Variants in ZNF521 observed in about 807,000 individuals in gnomAD.
ZNF521 encodes the protein zinc finger protein 521, also known as LYST-interacting protein 3.
ZNF521 carries 14 observed loss-of-function variants against 105.5 expected under a neutral mutation model. That is an observed-to-expected ratio of 0.13 (90% confidence interval 0.09 to 0.21). ZNF521 has a LOEUF of 0.21. ZNF521 is among the 10% of genes least tolerant of loss of function. ZNF521 has a pLI of 1.00. For missense variants in ZNF521, 1,233 were observed against 1,629.7 expected (o/e 0.76, Z 4.19); for synonymous variants, 635 against 606.0 (o/e 1.05, Z -0.70).
intron 5 of ZNF521, among the ~76,000 whole-genome samples, chr18:25,110,442 C>CAAAAAAAA (rs372395726): frequency 6.7e-6 from 1 of 148,880 alleles, no homozygotes; most frequent in Non-Finnish European, 1.5e-5. Context: ...GGCAGGAGAC[C>CAAAAAAAA]AAAAAAGAAA....
At chr18:25,068,779 C>G (rs1440725624) in intron 7 of ZNF521, among the ~76,000 whole-genome samples, 2 of 152,112 alleles carry the variant, frequency 1.3e-5, no homozygotes, top group Non-Finnish European at 2.9e-5. Flanking sequence ...GAATGCAGAC[C>G]ATTATGAGTC....
At chr18:25,287,215 A>G (rs1270483781) in intron 3 of ZNF521, among the ~76,000 whole-genome samples, 1 of 152,204 alleles carries the variant, frequency 6.6e-6, no homozygotes, top group Non-Finnish European at 1.5e-5. Flanking sequence ...TTCTGAGGAA[A>G]CTGACTCCGT....
intron 3 of ZNF521, among the ~76,000 whole-genome samples, chr18:25,254,873 C>A (rs1025083319): frequency 5.3e-5 from 8 of 152,028 alleles, no homozygotes; most frequent in African/African-American, 1.7e-4. Context: ...TGGTACCACC[C>A]CTAAGAAAGA....
chr18:25,081,309 C>T (rs768918500), intron 7 of ZNF521, among the ~76,000 whole-genome samples: 3 of 152,112 alleles, frequency 2.0e-5, no homozygotes, highest in African/African-American at 7.2e-5. Context: ...GAGGAGGGAG[C>T]GAGTCCTAGA....
chr18:25,202,720 T>G (rs1568007417), intron 4 of ZNF521: 1 of 152,172 alleles, frequency 6.6e-6, no homozygotes, highest in Non-Finnish European at 1.5e-5. Flanking sequence ...ATACTACATG[T>G]GAGTGAAAGT....
intron 7 of ZNF521, among the ~76,000 whole-genome samples, chr18:25,077,888 A>G (rs912481938): frequency 2.0e-5 from 3 of 152,180 alleles, no homozygotes; most frequent in Admixed American, 6.5e-5. Flanking sequence ...TTGAAATGTA[A>G]AAGATTCTGG....
intron 3 of ZNF521, among the ~76,000 whole-genome samples, chr18:25,289,881 C>T (rs111556202): frequency 4.4e-4 from 67 of 152,204 alleles, no homozygotes; most frequent in African/African-American, 1.5e-3. Context: ...CTATTTATGA[C>T]GTGTTCAAGA....
intron 2 of ZNF521, among the ~76,000 whole-genome samples, chr18:25,347,390 T>C (rs1405263126): frequency 6.6e-6 from 1 of 152,214 alleles, no homozygotes; most frequent in Non-Finnish European, 1.5e-5. Flanking sequence ...TGTGGGCTGA[T>C]AGAATTTTGA....
At chr18:25,323,002 G>C (rs998382242) in intron 2 of ZNF521, among the ~76,000 whole-genome samples, 14 of 152,076 alleles carry the variant, frequency 9.2e-5, no homozygotes, top group African/African-American at 3.4e-4. Context: ...AGAAAAGCAC[G>C]TGGAATGCTT....
At chr18:25,211,472 A>G (rs2036178055) in intron 4 of ZNF521, among the ~76,000 whole-genome samples, 1 of 152,106 alleles carries the variant, frequency 6.6e-6, no homozygotes, top group South Asian at 2.1e-4. Context: ...CTAAATTTGC[A>G]TTTTCTATAT....
intron 3 of ZNF521, among the ~76,000 whole-genome samples, chr18:25,279,746 G>A (rs114998408): frequency 6.6e-6 from 1 of 152,074 alleles, no homozygotes; most frequent in Non-Finnish European, 1.5e-5. Context: ...AATGTAATAC[G>A]AGGTATTTTT....
chr18:25,196,711 C>A (rs981093526), intron 4 of ZNF521, among the ~76,000 whole-genome samples: 3 of 151,724 alleles, frequency 2.0e-5, no homozygotes, highest in Non-Finnish European at 3.0e-5. Context: ...GAGCTGTTTA[C>A]AAGATGCTTT....
At chr18:25,285,150 C>T (rs1910628101) in intron 3 of ZNF521, among the ~76,000 whole-genome samples, 1 of 152,020 alleles carries the variant, frequency 6.6e-6, no homozygotes, top group African/African-American at 2.4e-5. Flanking sequence ...GAGTTATTCT[C>T]TTCTTCCTGG....
At chr18:25,082,641 G>A (rs1238806498) in intron 7 of ZNF521, 1 of 420,630 alleles carries the variant, frequency 2.4e-6, no homozygotes, top group Non-Finnish European at 4.7e-6. Context: ...TTTGAGACCA[G>A]CCTGGGCAAC....
chr18:25,128,368 G>T (rs186038660), intron 5 of ZNF521, among the ~76,000 whole-genome samples: 2 of 152,032 alleles, frequency 1.3e-5, no homozygotes, highest in African/African-American at 4.8e-5. Context: ...CATACCAGTG[G>T]TAAGAAGCTA....
intron 3 of ZNF521, among the ~76,000 whole-genome samples, chr18:25,308,583 C>T (rs994392265): frequency 4.6e-5 from 7 of 151,668 alleles, no homozygotes; most frequent in Admixed American, 6.6e-5. Flanking sequence ...CTAACTCTTG[C>T]TCATCACCAA....
At chr18:25,304,877 A>C (rs146735399) in intron 3 of ZNF521, among the ~76,000 whole-genome samples, 1 of 152,336 alleles carries the variant, frequency 6.6e-6, no homozygotes, top group African/African-American at 2.4e-5. Flanking sequence ...AATACTGTAC[A>C]TGTGTTTACG....
intron 2 of ZNF521, among the ~76,000 whole-genome samples, chr18:25,333,314 C>CTCTCTATA (rs572058933): frequency 3.6e-4 from 52 of 145,774 alleles, no homozygotes; most frequent in East Asian, 1.0e-3. Context: ...CTCTCTCTCT[C>CTCTCTATA]TATATATATA....
Position 25,062,599 on chromosome 18 carries a change from C to T in ZNF521, c.*113G>A. The T allele has an allele frequency of 1.5e-6, 2 of 1,368,732 alleles. No individual in the cohort carries two copies. Among genetic ancestry groups the T allele is most frequent in the Admixed American group, 2.2e-5 (1 of 46,088 alleles). 84.8% of individuals were successfully genotyped at this position (1,368,732 alleles called of 1,614,324 possible). On this transcript the variant is annotated 3_prime_UTR_variant, in exon 8 of 8. Transcript: ENST00000361524. ...GTTTGATAATACAAGTTTTATGGTA[C>T]AATACAATGTTTCTGAATAATATAC...
Sources: gnomAD v4.1 joint callset for allele counts (sites outside exome capture counted in the v4.1 genomes callset) on GRCh38, gnomAD v4.1.1 for gene constraint, MANE v1.5 for transcripts, NCBI Gene and HGNC (gene_info 2026-07-23, HGNC 2026-07-21) for gene names.